Variants in FHDC1 observed in about 807,000 individuals in gnomAD.
FHDC1 encodes the protein FH2 domain-containing protein 1.
FHDC1 carries 25 observed loss-of-function variants against 52.6 expected under a neutral mutation model. The observed-to-expected ratio is 0.48, with a 90% CI of 0.35 to 0.66. FHDC1 has a LOEUF of 0.66. Ranked by LOEUF, FHDC1 falls within the 30% of genes least tolerant of loss-of-function variation. The pLI is 0.01. For missense variants in FHDC1, 1,459 were observed against 1,452.8 expected, an observed-to-expected ratio of 1.00 and a Z score of -0.07; for synonymous variants, 616 against 581.5, an observed-to-expected ratio of 1.06 and a Z score of -0.85.
At chr4:152,919,360 A>G in the FHDC1 span, among the ~76,000 whole-genome samples, 1 of 152,218 alleles carries the variant, frequency 6.6e-6, no homozygotes, top group Non-Finnish European at 1.5e-5. Context: ...ATATACAATT[A>G]GTGGTTGAGG....
the FHDC1 span, among the ~76,000 whole-genome samples, chr4:152,919,815 T>A: frequency 6.6e-6 from 1 of 152,100 alleles, no homozygotes; most frequent in Non-Finnish European, 1.5e-5. Flanking sequence ...GCCTACCTGT[T>A]CAAGTGTGTG....
chr4:152,942,962 G>A lies in FHDC1; in HGVS notation c.-96G>A. 7.4e-7 allele frequency: 1 copy of A among 1,354,476 alleles called. No homozygotes were observed. The allele number at this position is 1,354,476 out of a possible 1,614,324, so 83.9% of individuals were successfully genotyped here. On this transcript the variant is annotated 5_prime_UTR_variant, in exon 2 of 12. Transcript: ENST00000511601. ...AGGACAGTTGCCCTTTATTCTGGCG[G>A]CAGATAGCAGCAGGTGAAAAAGTGC... is the stretch of plus-strand genomic sequence containing the variant.
chr4:152,935,690 C>T (rs1739343570), upstream of FHDC1, among the ~76,000 whole-genome samples: 2 of 152,176 alleles, frequency 1.3e-5, no homozygotes, highest in African/African-American at 4.8e-5. Context: ...AGGAGCTGAC[C>T]TTTGCGAAGC....
intron 10 of FHDC1, 136 bp from the exon 11 acceptor site, chr4:152,972,241 C>T: frequency 1.2e-6 from 1 of 839,862 alleles, no homozygotes; most frequent in Non-Finnish European, 1.8e-6. Context: ...TTGCATTGGC[C>T]TTGCAATAAA....
In FHDC1 at chr4:152,960,805, C is replaced by T; in HGVS notation, c.811C>T (p.Leu271=). The change falls in exon 6 of 12, where the codon CTA becomes TTA. Residue 271 remains leucine, a synonymous_variant. Coordinates refer to ENST00000511601, the MANE Select transcript of FHDC1 (RefSeq NM_001371116.1). ...GGAATTTCTACCTTCTTGCTCTTCT[C>T]TATATACAGATATAACAGTTTTAAG... The part of the protein sequence containing the change: ...KKEFLPSCSS[L]YTDITVLRTA... 6.2e-7 allele frequency: 1 copy of T among 1,611,810 alleles called. No individual in the cohort carries two copies. The highest frequency in any genetic ancestry group is 8.5e-7 in the Non-Finnish European group (1 of 1,179,522).
At chr4:152,940,545 G>GTA (rs1283984161) in intron 1 of FHDC1, among the ~76,000 whole-genome samples, 1 of 152,190 alleles carries the variant, frequency 6.6e-6, no homozygotes, top group African/African-American at 2.4e-5. Flanking sequence ...TAACCTTGGA[G>GTA]TATATAGTCT....
chr4:152,921,143 CCTTG>C, the FHDC1 span, among the ~76,000 whole-genome samples: 3 of 151,892 alleles, frequency 2.0e-5, no homozygotes, highest in Admixed American at 2.0e-4. Context: ...ACTTCCTTTA[CCTTG>C]CTTTTATTTA....
At chr4:152,927,925 G>A in the FHDC1 span, 1 of 1,439,542 alleles carries the variant, frequency 6.9e-7, no homozygotes, top group Non-Finnish European at 9.8e-7. Context: ...TGAAGCGTAA[G>A]AGCTCAGAGA....
chr4:152,943,414 G>A lies in FHDC1; in HGVS notation c.357G>A (p.Leu119=). ...GAGGCAAAACCAACATCTGGACCTT[G>A]GCAGCCAGGCAGGAACATCACTACC... is the stretch of plus-strand genomic sequence containing the variant. ...QVRGKTNIWT[L]AARQEHHYQI... The change falls in exon 2 of 12, where the codon TTG becomes TTA. Residue 119 remains leucine, a synonymous_variant. Transcript: ENST00000511601. The A allele has an allele frequency of 6.2e-7, 1 of 1,614,108 alleles. No individual in the cohort carries two copies. The highest frequency in any genetic ancestry group is 8.5e-7 in the Non-Finnish European group (1 of 1,180,026).
intron 4 of FHDC1, among the ~76,000 whole-genome samples, chr4:152,959,386 A>G (rs1207602980): frequency 6.6e-6 from 1 of 152,240 alleles, no homozygotes; most frequent in Non-Finnish European, 1.5e-5. Context: ...TTTTGGCTAT[A>G]TACCTGTTGT....
At chr4:152,934,308 G>A (rs909854717), upstream of FHDC1, among the ~76,000 whole-genome samples, 1 of 152,190 alleles carries the variant, frequency 6.6e-6, no homozygotes, top group African/African-American at 2.4e-5. Context: ...TAGGTAAAGA[G>A]GGGGAGGTGG....
chr4:152,913,222 A>T, the FHDC1 span, among the ~76,000 whole-genome samples: 1 of 152,256 alleles, frequency 6.6e-6, no homozygotes, highest in Non-Finnish European at 1.5e-5. Flanking sequence ...CCATTGGGGA[A>T]AAAATCCATC....
chr4:152,949,163 G>T (rs1739846275), intron 2 of FHDC1, among the ~76,000 whole-genome samples: 1 of 146,540 alleles, frequency 6.8e-6, no homozygotes, highest in South Asian at 2.2e-4. Context: ...AGAAGAAGAA[G>T]AAGAAGAAGC....
chr4:152,959,920 G>C (rs1320305606), intron 4 of FHDC1, among the ~76,000 whole-genome samples: 1 of 138,854 alleles, frequency 7.2e-6, no homozygotes, highest in African/African-American at 2.8e-5. Flanking sequence ...TCTTCTGCCA[G>C]GGTCCCTGGG....
At chr4:152,953,669 CT>C in intron 3 of FHDC1, 109 bp downstream of exon 3, 2 of 914,704 alleles carry the variant, frequency 2.2e-6, no homozygotes, top group Non-Finnish European at 3.5e-6. Context: ...TCAAATCCTT[CT>C]TAGACGCATG....
At chr4:152,922,515 GCAT>G in the FHDC1 span, among the ~76,000 whole-genome samples, 2 of 151,298 alleles carry the variant, frequency 1.3e-5, no homozygotes, top group Admixed American at 1.3e-4. Context: ...TATGAGGCCA[GCAT>G]CATCCTGATA....
At position 152,960,319 on chromosome 4, in the gene FHDC1, G is replaced by A. The variant is rs74904677; in HGVS notation, c.664-246G>A. Among the ~76,000 whole-genome samples, 364 of 152,082 alleles carry A rather than the reference G, an allele frequency of 2.4e-3. 2 individuals are homozygous for A. Among genetic ancestry groups the A allele is most frequent in the African/African-American group, 8.1e-3 (335 of 41,446 alleles). ...CTGGCTCCAGCTCTCCAGTTTACACGAGACTGTGTATCTATAGCTACATAA... is the reference window on the plus strand; with the variant it reads ...CTGGCTCCAGCTCTCCAGTTTACACAAGACTGTGTATCTATAGCTACATAA... On this transcript the variant is annotated intron_variant, in intron 4 of 11. Transcript: ENST00000511601.
chr4:152,975,416 G>A lies in FHDC1; in HGVS notation c.2125G>A (p.Val709Met). 4 of 1,613,576 alleles carry A rather than the reference G, an allele frequency of 2.5e-6. No individual in the cohort carries two copies. The highest frequency in any genetic ancestry group is 2.2e-5 in the East Asian group (1 of 44,884). ...SDFSPMELES[V>M]GHRGPQSLSA... Reference sequence around the variant, plus strand: ...CTTCAGCCCGATGGAGCTAGAGTCTGTGGGGCATAGGGGCCCGCAGTCCCT... The same window carrying A: ...CTTCAGCCCGATGGAGCTAGAGTCTATGGGGCATAGGGGCCCGCAGTCCCT... The change falls in exon 12 of 12, where the codon GTG becomes ATG. Residue 709 changes from valine (V) to methionine (M), a missense_variant. Val to Met is a conservative substitution (Grantham distance 21). Transcript: ENST00000511601.
At chr4:152,916,606 A>G in the FHDC1 span, among the ~76,000 whole-genome samples, 4 of 152,042 alleles carry the variant, frequency 2.6e-5, no homozygotes, top group Admixed American at 2.6e-4. Context: ...TGGTCCAGAA[A>G]GGCAGCAGGA....
Sources: allele counts gnomAD v4.1 joint callset (sites outside exome capture counted in the v4.1 genomes callset), GRCh38; gene constraint gnomAD v4.1.1; transcripts MANE v1.5; gene names NCBI Gene and HGNC (gene_info 2026-07-23, HGNC 2026-07-21).